Variants in DCP1A observed in about 807,000 individuals in gnomAD.
DCP1A encodes the protein mRNA-decapping enzyme 1A.
DCP1A carries 20 observed loss-of-function variants against 58.0 expected under a neutral mutation model. The observed-to-expected ratio is 0.34, with a 90% CI of 0.24 to 0.50. The LOEUF (loss-of-function observed/expected upper bound fraction) is 0.50. DCP1A is among the 20% of genes least tolerant of loss of function. The pLI is 0.98. For missense variants in DCP1A, 613 were observed against 712.2 expected, an observed-to-expected ratio of 0.86 and a Z score of 1.59; for synonymous variants, 285 against 275.1, an observed-to-expected ratio of 1.04 and a Z score of -0.36.
chr3:53,290,222 A>T (rs1706803764), intron 8 of DCP1A, among the ~76,000 whole-genome samples: 1 of 152,186 alleles, frequency 6.6e-6, no homozygotes, highest in African/African-American at 2.4e-5. Context: ...GGGAGGACAA[A>T]TGGGACAGAA....
intron 7 of DCP1A, among the ~76,000 whole-genome samples, chr3:53,291,678 T>G (rs181423304): frequency 6.8e-4 from 104 of 152,244 alleles, no homozygotes; most frequent in Admixed American, 5.2e-3. Context: ...TCAGCTTTAT[T>G]TGACCTCATA....
At chr3:53,311,133 GCTT>G (rs1180603569) in intron 5 of DCP1A, among the ~76,000 whole-genome samples, 1 of 152,192 alleles carries the variant, frequency 6.6e-6, no homozygotes, top group African/African-American at 2.4e-5. Context: ...CCAATTTGAA[GCTT>G]TTTTCAGGAT....
intron 5 of DCP1A, among the ~76,000 whole-genome samples, chr3:53,306,033 G>C (rs1553688009): frequency 6.6e-6 from 1 of 152,114 alleles, no homozygotes; most frequent in East Asian, 1.9e-4. Flanking sequence ...AAACAGTTCA[G>C]AAAATGCAAG....
intron 6 of DCP1A, among the ~76,000 whole-genome samples, chr3:53,299,318 A>C (rs1553687150): frequency 6.6e-6 from 1 of 152,200 alleles, no homozygotes; most frequent in Non-Finnish European, 1.5e-5. Flanking sequence ...GTAAAATGTT[A>C]TTCTTTCCTC....
At position 53,304,280 on chromosome 3, in the gene DCP1A, C is replaced by T. The variant is rs1553687732; in HGVS notation, c.521G>A (p.Gly174Asp). ...AKDEYERNQM[G>D]DSNISSPGLQ... ...CCCAGGGCTGGAGATATTTGAGTCACCCATCTGATTCTTTAAAAAGTTAAA... is the reference window on the plus strand; with the variant it reads ...CCCAGGGCTGGAGATATTTGAGTCATCCATCTGATTCTTTAAAAAGTTAAA... Residue 174 changes from glycine (G) to aspartate (D), a missense_variant, in exon 6 of 10, where the codon GGT becomes GAT. Physicochemically the swap from Gly to Asp is moderately conservative, Grantham distance 94. This residue lies in a region of DCP1A where 498 missense variants were observed against 556.7 expected (regional missense o/e 0.89). Transcript: ENST00000610213. 1.2e-6 allele frequency: 2 copies of T among 1,610,040 alleles called. No individual in the cohort carries two copies. Among genetic ancestry groups the T allele is most frequent in the East Asian group, 2.2e-5 (1 of 44,850 alleles).
At chr3:53,331,692 C>T (rs1553691296) in intron 3 of DCP1A, among the ~76,000 whole-genome samples, 1 of 152,010 alleles carries the variant, frequency 6.6e-6, no homozygotes, top group Non-Finnish European at 1.5e-5. Context: ...ATTCACATGC[C>T]GGGTTTAGAT....
chr3:53,335,442 A>G (rs1160968137), intron 3 of DCP1A, among the ~76,000 whole-genome samples: 1 of 152,086 alleles, frequency 6.6e-6, no homozygotes, highest in Non-Finnish European at 1.5e-5. Context: ...GTGTCCGGCT[A>G]ATATTTCTAT....
At chr3:53,318,196 T>C (rs546175268) in intron 4 of DCP1A, among the ~76,000 whole-genome samples, 2 of 152,250 alleles carry the variant, frequency 1.3e-5, no homozygotes, top group Non-Finnish European at 2.9e-5. Flanking sequence ...TCCCAGCTAC[T>C]TGAGAGGCTG....
rs145426875 is a variant in DCP1A, at chr3:53,291,455, C to T, written c.1384-599G>A. On this transcript the variant is annotated intron_variant, in intron 7 of 9. Coordinates refer to ENST00000610213, the MANE Select transcript of DCP1A (RefSeq NM_018403.7). ...ATTTTTTTTTTTTTGTATGCATTCA[C>T]CATCCCCACCTCCCCCCACCTTCCC... 9.9e-3 allele frequency among the ~76,000 whole-genome samples: 1,495 copies of T among 150,380 alleles called. 20 individuals carry two copies. The highest frequency in any genetic ancestry group is 0.034 in the African/African-American group (1,383 of 40,772).
At position 53,341,135 on chromosome 3, in the gene DCP1A, A is replaced by C. The variant is rs190283607; in HGVS notation, c.304+1009T>G. ...AGTAATAAATATCTTAAAAAAAAAAACCCATCACCACTATTCTGGGCAAAA... is the reference window on the plus strand; with the variant it reads ...AGTAATAAATATCTTAAAAAAAAAACCCCATCACCACTATTCTGGGCAAAA... On this transcript the variant is annotated intron_variant, in intron 3 of 9. Transcript: ENST00000610213. Among the ~76,000 whole-genome samples, 1,324 of 151,972 alleles carry C rather than the reference A, an allele frequency of 8.7e-3. 24 individuals carry two copies. Among genetic ancestry groups the C allele is most frequent in the African/African-American group, 0.03 (1,250 of 41,442 alleles).
intron 1 of DCP1A, among the ~76,000 whole-genome samples, chr3:53,346,854 GC>G (rs1553693204): frequency 6.6e-6 from 1 of 152,050 alleles, no homozygotes; most frequent in African/African-American, 2.4e-5. Flanking sequence ...TTCGATTAAA[GC>G]CGGACCCACC....
At chr3:53,343,402 T>A (rs2089243471) in intron 2 of DCP1A, among the ~76,000 whole-genome samples, 1 of 152,208 alleles carries the variant, frequency 6.6e-6, no homozygotes, top group South Asian at 2.1e-4. Flanking sequence ...CAGTACCATA[T>A]AAGCCTCCGT....
chr3:53,316,423 A>G (rs1311198270), intron 4 of DCP1A, among the ~76,000 whole-genome samples: 3 of 151,942 alleles, frequency 2.0e-5, no homozygotes, highest in South Asian at 4.2e-4. Flanking sequence ...TCACCAGGGT[A>G]TTCTCTAATC....
At chr3:53,333,638 T>TAA (rs35601832) in intron 3 of DCP1A, among the ~76,000 whole-genome samples, 1 of 147,030 alleles carries the variant, frequency 6.8e-6, no homozygotes, top group African/African-American at 2.5e-5. Flanking sequence ...CCCTAACTCT[T>TAA]AAAAAAAAAA....
chr3:53,345,017 G>A, intron 1 of DCP1A, 75 bp from the exon 2 acceptor site: 1 of 1,125,680 alleles, frequency 8.9e-7, no homozygotes, highest in East Asian at 2.4e-5. Flanking sequence ...GAGAAGTAAT[G>A]CTTCACGTTT....
In DCP1A at chr3:53,347,452, A is replaced by G. The variant is rs1347805874; in HGVS notation, c.66T>C (p.Tyr22=). ...SLAALKQHDP[Y]ITSIADLTGQ... is the part of the protein sequence containing the mutation. ...CCGTGAGGTCTGCGATGCTGGTGAT[A>G]TAGGGGTCGTGTTGCTTCAGGGCCG... is the stretch of plus-strand genomic sequence containing the variant. Residue 22 remains tyrosine (Y), a synonymous_variant, in exon 1 of 10, where the codon TAT becomes TAC. Transcript: ENST00000610213. 1.2e-6 allele frequency: 2 copies of G among 1,613,724 alleles called. No individual in the cohort carries two copies. The highest frequency in any genetic ancestry group is 1.1e-5 in the South Asian group (1 of 91,084).
intron 6 of DCP1A, among the ~76,000 whole-genome samples, chr3:53,303,138 A>ACT (rs1455231607): frequency 6.6e-6 from 1 of 151,678 alleles, no homozygotes; most frequent in Non-Finnish European, 1.5e-5. Context: ...GTTTCTAGAG[A>ACT]AGGGGTCTCA....
chr3:53,287,511 G>C lies in DCP1A; in HGVS notation c.*69C>G. The C allele has an allele frequency of 9.5e-7, 1 of 1,052,986 alleles. No individual in the cohort carries two copies. The highest frequency in any genetic ancestry group is 1.5e-6 in the Non-Finnish European group (1 of 675,296). The allele number at this position is 1,052,986 out of a possible 1,614,324, so 65.2% of individuals were successfully genotyped here. A position where few individuals can be genotyped will look rare whatever the true frequency, so the allele number is the denominator to read the frequency against. On this transcript the variant is annotated 3_prime_UTR_variant, in exon 10 of 10. Transcript: ENST00000610213. ...ATTCTCAAACTCAATGTTCTGCTCA[G>C]AAGTTTCCATGATGAAGCCTATTTG... is the stretch of plus-strand genomic sequence containing the variant.
chr3:53,307,251 AG>A (rs1707503814), intron 5 of DCP1A, among the ~76,000 whole-genome samples: 1 of 152,102 alleles, frequency 6.6e-6, no homozygotes, highest in Non-Finnish European at 1.5e-5. Flanking sequence ...ACCCGGCCCC[AG>A]GCTGGTCTTA....
Sources: allele counts gnomAD v4.1 joint callset (sites outside exome capture counted in the v4.1 genomes callset), GRCh38; gene constraint gnomAD v4.1.1; regional missense constraint gnomAD v4.1.1; transcripts MANE v1.5; gene names NCBI Gene and HGNC (gene_info 2026-07-23, HGNC 2026-07-21).